The following CNNM1 variants were observed in gnomAD, a reference collection of about 807,000 sequenced individuals.
CNNM1 encodes metal transporter CNNM1.
A neutral mutation model predicts 78.8 loss-of-function variants in CNNM1; 44 were observed. The observed-to-expected ratio is 0.56, with a 90% CI of 0.44 to 0.72. The LOEUF (loss-of-function observed/expected upper bound fraction) is 0.72, where lower values mean the gene tolerates loss of function less well. Among genes scored for constraint, CNNM1 ranks in the 30% least tolerant of loss-of-function variants. The pLI is 0.00. For missense variants in CNNM1, 1,101 were observed against 1,292.2 expected (o/e 0.85, Z 2.27); for synonymous variants, 584 against 581.5 (o/e 1.00, Z -0.06).
At chr10:99,335,680 C>T (rs1460462060) in intron 1 of CNNM1, among the ~76,000 whole-genome samples, 1 of 152,204 alleles carries the variant, frequency 6.6e-6, no homozygotes, top group Non-Finnish European at 1.5e-5. Flanking sequence ...TCACCTCATC[C>T]TATTAATCAT....
intron 1 of CNNM1, among the ~76,000 whole-genome samples, chr10:99,346,134 A>T (rs1363295134): frequency 6.6e-6 from 1 of 152,188 alleles, no homozygotes; most frequent in Non-Finnish European, 1.5e-5. Flanking sequence ...GTCTTAAATG[A>T]TCCTCCTACA....
chr10:99,352,930 C>T (rs1421090849), intron 1 of CNNM1, among the ~76,000 whole-genome samples: 4 of 150,550 alleles, frequency 2.7e-5, no homozygotes, highest in South Asian at 2.1e-4. Flanking sequence ...AGGTTTTCTC[C>T]TATGTTTTTT....
intron 1 of CNNM1, among the ~76,000 whole-genome samples, chr10:99,336,754 G>A (rs762357930): frequency 6.6e-6 from 1 of 152,118 alleles, no homozygotes; most frequent in South Asian, 2.1e-4. Flanking sequence ...ATCATTTGAG[G>A]TCAGGAGTTA....
intron 2 of CNNM1, among the ~76,000 whole-genome samples, chr10:99,358,961 A>G (rs1487887812): frequency 7.1e-6 from 1 of 140,294 alleles, no homozygotes. Context: ...ATTGTGCCAC[A>G]GCACTCCAGC....
chr10:99,368,584 G>A (rs780840833), intron 6 of CNNM1: 31 of 1,276,138 alleles, frequency 2.4e-5, no homozygotes, highest in South Asian at 9.9e-5. Context: ...CTTCCCTTTC[G>A]CAACTCACAA....
intron 1 of CNNM1, among the ~76,000 whole-genome samples, chr10:99,332,165 CA>C (rs910722067): frequency 1.1e-4 from 16 of 152,222 alleles, no homozygotes; most frequent in Admixed American, 9.8e-4. Flanking sequence ...TGAGAGCATT[CA>C]AAAGACTATC....
intron 1 of CNNM1, among the ~76,000 whole-genome samples, chr10:99,341,427 G>T (rs570132507): frequency 1.3e-5 from 2 of 152,250 alleles, no homozygotes. Context: ...TGCTGAACCT[G>T]CCCTCCAGGA....
In CNNM1 at chr10:99,383,643, C is replaced by T. The variant is rs988435547; in HGVS notation, c.2341-4177C>T. On this transcript the variant is annotated intron_variant, in intron 7 of 10. Transcript: ENST00000356713. ...GAACAAGAGGAGAATTAAGGCAATG[C>T]CATGCAAAGGGACACCCTTAAACAG... 2.0e-5 allele frequency among the ~76,000 whole-genome samples: 3 copies of T among 152,124 alleles called. No individual in the cohort carries two copies. In the South Asian group the frequency reaches 6.2e-4, roughly 32 times the overall value.
chr10:99,390,726 G>A (rs1253511509), intron 10 of CNNM1, among the ~76,000 whole-genome samples: 1 of 152,166 alleles, frequency 6.6e-6, no homozygotes, highest in Non-Finnish European at 1.5e-5. Flanking sequence ...TGTTATCTAT[G>A]GCAACAATGT....
At chr10:99,374,344 A>G (rs1302175652) in intron 6 of CNNM1, among the ~76,000 whole-genome samples, 2 of 152,206 alleles carry the variant, frequency 1.3e-5, no homozygotes, top group Non-Finnish European at 2.9e-5. Context: ...ATCTGACTTC[A>G]GGACCCCTTG....
At chr10:99,375,284 C>G (rs1346759427) in intron 6 of CNNM1, among the ~76,000 whole-genome samples, 3 of 152,098 alleles carry the variant, frequency 2.0e-5, no homozygotes, top group Non-Finnish European at 4.4e-5. Flanking sequence ...GAGGTGAAAA[C>G]AGATTATAAG....
chr10:99,338,295 A>ATT (rs34673859), intron 1 of CNNM1, among the ~76,000 whole-genome samples: 3 of 138,862 alleles, frequency 2.2e-5, no homozygotes, highest in African/African-American at 2.7e-5. Flanking sequence ...ACTAGGTGGC[A>ATT]TTTTTTTTTT....
chr10:99,383,575 T>A (rs2032220706), intron 7 of CNNM1, among the ~76,000 whole-genome samples: 1 of 152,214 alleles, frequency 6.6e-6, no homozygotes, highest in Non-Finnish European at 1.5e-5. Context: ...TGGAATTTTT[T>A]AAGCACTAAT....
chr10:99,385,272 T>TCTCTCTTCCTC (rs2032275197), intron 7 of CNNM1, among the ~76,000 whole-genome samples: 1 of 152,146 alleles, frequency 6.6e-6, no homozygotes, highest in East Asian at 1.9e-4. Flanking sequence ...GCCCCTTCCT[T>TCTCTCTTCCTC]CTCTCTTCCT....
At position 99,388,158 on chromosome 10, in the gene CNNM1, G is replaced by A. The variant is rs143111634; in HGVS notation, c.2531G>A (p.Arg844His). ...LNNRNSLPCS[R>H]SDGLRSPSEV... ...CACTCACTGTCCTCCCCAGGCAGCC[G>A]CTCAGACGGGCTGAGAAGCCCCAGC... The change falls in exon 9 of 11, where the codon CGC (arginine) becomes CAC (histidine). Residue 844 changes from arginine to histidine, a missense_variant. Around this residue, in one of 3 missense-constraint regions of CNNM1, gnomAD observed 348 missense variants for 384.5 expected, o/e 0.90. Coordinates refer to ENST00000356713, the MANE Select transcript of CNNM1 (RefSeq NM_020348.3). 53 of 1,613,764 alleles carry A rather than the reference G, an allele frequency of 3.3e-5. No individual in the cohort carries two copies. In the African/African-American group the frequency reaches 3.9e-4, roughly 12 times the overall value.
intron 6 of CNNM1, chr10:99,368,605 C>A (rs17568778): frequency 0.071 from 91,190 of 1,288,190 alleles, 3,720 homozygotes; most frequent in Non-Finnish European, 0.081. Context: ...ATCCTTGGCC[C>A]CTGACTCTTT....
intron 9 of CNNM1, 143 bp from the exon 10 acceptor site, chr10:99,390,163 G>C (rs140395269): frequency 6.8e-6 from 4 of 591,348 alleles, no homozygotes; most frequent in African/African-American, 3.7e-5. Context: ...TTCCCTGGGC[G>C]TCCCTGCCTT....
rs555041289 is a variant in CNNM1, at chr10:99,359,826, C to A, written c.1718-1009C>A. On this transcript the variant is annotated intron_variant, in intron 2 of 10. Coordinates refer to ENST00000356713, the MANE Select transcript of CNNM1 (RefSeq NM_020348.3). ...GAAAACCCAAATCCCTCTCCCTGTT[C>A]CCCTTAGTGCAGGTAAGATGGGCTA... 3.3e-5 allele frequency among the ~76,000 whole-genome samples: 5 copies of A among 151,948 alleles called. 1 individual carries two copies. In the East Asian group the frequency reaches 9.7e-4, roughly 29 times the overall value.
At chr10:99,376,897 A>G (rs928190885) in intron 6 of CNNM1, among the ~76,000 whole-genome samples, 158 bp from the exon 7 acceptor site, 3 of 152,066 alleles carry the variant, frequency 2.0e-5, no homozygotes, top group Non-Finnish European at 4.4e-5. Context: ...GGGAAGGGTG[A>G]GGCCCATCAC....
Sources: gnomAD v4.1 joint callset for allele counts (sites outside exome capture counted in the v4.1 genomes callset) on GRCh38, gnomAD v4.1.1 for gene constraint, gnomAD v4.1.1 regional missense constraint, MANE v1.5 for transcripts, NCBI Gene and HGNC (gene_info 2026-07-23, HGNC 2026-07-21) for gene names.